COL23A1: variants seen among roughly 807,000 people sequenced by gnomAD.
COL23A1 encodes collagen type XXIII alpha 1 chain, also known as collagen alpha-1(XXIII) chain.
Under a neutral mutation model 99.3 loss-of-function variants are expected in COL23A1, and 97 were observed. That is an observed-to-expected ratio of 0.98 (90% CI 0.83 to 1.16). The LOEUF (loss-of-function observed/expected upper bound fraction) is 1.16, where lower values mean the gene tolerates loss of function less well. COL23A1 is among the 50% of genes most tolerant of loss of function. The pLI, the probability that COL23A1 is intolerant of heterozygous loss-of-function variation, is 0.00. For synonymous variants in COL23A1, 320 were observed against 308.2 expected, an observed-to-expected ratio of 1.04 and a Z score of -0.40; for missense variants, 762 against 757.4, an observed-to-expected ratio of 1.01 and a Z score of -0.07.
intron 5 of COL23A1, among the ~76,000 whole-genome samples, chr5:178,279,100 G>A (rs1756749942): frequency 6.6e-6 from 1 of 152,236 alleles, no homozygotes; most frequent in African/African-American, 2.4e-5. Context: ...CCTGTGCCCT[G>A]CCTGCTGACT....
chr5:178,249,321 C>T, intron 18 of COL23A1, 115 bp from the exon 19 acceptor site: 3 of 1,006,494 alleles, frequency 3.0e-6, no homozygotes, highest in Non-Finnish European at 4.6e-6. Context: ...TTTGTGGGTC[C>T]CCACCTCCAG....
chr5:178,543,612 T>G (rs1242968156), intron 2 of COL23A1, among the ~76,000 whole-genome samples: 2 of 152,136 alleles, frequency 1.3e-5, no homozygotes, highest in African/African-American at 4.8e-5. Context: ...GGTCTGAGTC[T>G]CCACCTTTGG....
intron 9 of COL23A1, among the ~76,000 whole-genome samples, chr5:178,262,918 G>A (rs1765713226): frequency 6.6e-6 from 1 of 152,122 alleles, no homozygotes; most frequent in South Asian, 2.1e-4. Flanking sequence ...AGAGGTCAAG[G>A]TCTTGATTGG....
chr5:178,330,115 T>C (rs1443869937), intron 2 of COL23A1, among the ~76,000 whole-genome samples: 3 of 152,122 alleles, frequency 2.0e-5, no homozygotes, highest in African/African-American at 7.2e-5. Context: ...GGGGGAGAGA[T>C]GCTCCCTGCA....
intron 2 of COL23A1, among the ~76,000 whole-genome samples, chr5:178,329,717 T>C (rs1759899215): frequency 6.6e-6 from 1 of 151,960 alleles, no homozygotes; most frequent in Non-Finnish European, 1.5e-5. Context: ...GGCAGGCGGA[T>C]CATGAGGTCA....
intron 2 of COL23A1, among the ~76,000 whole-genome samples, chr5:178,484,867 G>C (rs1757532037): frequency 6.7e-6 from 1 of 150,270 alleles, no homozygotes; most frequent in South Asian, 2.1e-4. Flanking sequence ...AGACACAATG[G>C]TTTCTTTCTT....
At chr5:178,489,753 A>T (rs1224574738) in intron 2 of COL23A1, among the ~76,000 whole-genome samples, 1 of 152,204 alleles carries the variant, frequency 6.6e-6, no homozygotes, top group Non-Finnish European at 1.5e-5. Context: ...GGGATGCAGC[A>T]ATTCCGCTCC....
chr5:178,296,894 C>A (rs1007943261), intron 3 of COL23A1, among the ~76,000 whole-genome samples: 1 of 152,230 alleles, frequency 6.6e-6, no homozygotes, highest in African/African-American at 2.4e-5. Context: ...CCAGCACCAG[C>A]GTCACAGCCT....
At chr5:178,249,077 A>G (rs1321112108) in intron 19 of COL23A1, 40 bp downstream of exon 19, 1 of 1,600,818 alleles carries the variant, frequency 6.2e-7, no homozygotes, top group Non-Finnish European at 8.6e-7. Context: ...CAGGGCTTCC[A>G]CACAGGAGGC....
intron 2 of COL23A1, among the ~76,000 whole-genome samples, chr5:178,392,522 G>A (rs1764022959): frequency 6.6e-6 from 1 of 152,168 alleles, no homozygotes; most frequent in Non-Finnish European, 1.5e-5. Flanking sequence ...TGTCAGGACA[G>A]CAGCAATGTT....
chr5:178,541,718 G>A (rs565112090), intron 2 of COL23A1, among the ~76,000 whole-genome samples: 5 of 152,264 alleles, frequency 3.3e-5, no homozygotes, highest in African/African-American at 7.2e-5. Context: ...CTCTCTTCAC[G>A]ACAAAAACTG....
chr5:178,523,300 G>A (rs1201590844), intron 2 of COL23A1, among the ~76,000 whole-genome samples: 19 of 145,882 alleles, frequency 1.3e-4, no homozygotes, highest in African/African-American at 4.7e-4. Flanking sequence ...GGTGGTGCGC[G>A]CCCGTAATCC....
Position 178,415,997 on chromosome 5 carries a change from G to A in COL23A1, c.362-109078C>T, listed in dbSNP as rs1166549799. On this transcript the variant is annotated intron_variant, in intron 2 of 28. Coordinates refer to ENST00000390654, the MANE Select transcript of COL23A1 (RefSeq NM_173465.4). This position sits in a 1 kb window ranked among gnomAD's most constrained non-coding sequence, Gnocchi z 4.6. ...GACCAGGGAGGGCGGACGAAGCTGG[G>A]GCAGAGCCAGAGATCCAGAAACAGT... Among the ~76,000 whole-genome samples the A allele has an allele frequency of 6.6e-6, 1 of 152,142 alleles. No homozygotes were observed. The highest frequency in any genetic ancestry group is 1.5e-5 in the Non-Finnish European group (1 of 68,026).
At position 178,258,262 on chromosome 5, in the gene COL23A1, T is replaced by TAC. The variant is rs1554126956; in HGVS notation, c.730-697_730-696dup. On this transcript the variant is annotated intron_variant, in intron 12 of 28. Transcript: ENST00000390654. ...ATATATATATATATATATATATATA[T>TAC]ACACATGCAAATCAATTCTAGGCAC... 6.8e-3 allele frequency among the ~76,000 whole-genome samples: 704 copies of TAC among 104,118 alleles called. 59 individuals are homozygous for TAC. Among genetic ancestry groups the TAC allele is most frequent in the East Asian group, 0.025 (99 of 4,026 alleles). The allele number at this position is 104,118 out of a possible 152,430, so 68.3% of individuals were successfully genotyped here.
intron 2 of COL23A1, among the ~76,000 whole-genome samples, chr5:178,435,959 C>T (rs990396106): frequency 6.6e-6 from 1 of 152,164 alleles, no homozygotes; most frequent in Admixed American, 6.5e-5. Context: ...AAGAGGGAGG[C>T]AGCCACACAG....
At chr5:178,436,414 G>T (rs1012047099) in intron 2 of COL23A1, among the ~76,000 whole-genome samples, 1 of 152,118 alleles carries the variant, frequency 6.6e-6, no homozygotes, top group African/African-American at 2.4e-5. Flanking sequence ...GGCTGCATTG[G>T]GGGGTGGGGT....
intron 2 of COL23A1, among the ~76,000 whole-genome samples, chr5:178,386,792 G>A (rs1419872479): frequency 2.6e-5 from 4 of 152,190 alleles, no homozygotes; most frequent in Admixed American, 6.5e-5. Flanking sequence ...TTCCTGGGGA[G>A]CAAGAGCCTG....
intron 2 of COL23A1, among the ~76,000 whole-genome samples, chr5:178,548,366 C>T (rs1318951112): frequency 2.6e-5 from 4 of 152,018 alleles, no homozygotes; most frequent in Admixed American, 1.3e-4. Flanking sequence ...AACTCTTAAT[C>T]GTCCCCATCC....
chr5:178,343,698 T>A (rs956561859), intron 2 of COL23A1, among the ~76,000 whole-genome samples: 1 of 151,388 alleles, frequency 6.6e-6, no homozygotes, highest in East Asian at 1.9e-4. Flanking sequence ...GTCTTGCTCT[T>A]GTCGCCCAGG....
Sources: gnomAD v4.1 joint callset for allele counts (sites outside exome capture counted in the v4.1 genomes callset) on GRCh38, gnomAD v4.1.1 for gene constraint, Gnocchi (gnomAD v3.1) non-coding constraint, MANE v1.5 for transcripts, NCBI Gene and HGNC (gene_info 2026-07-23, HGNC 2026-07-21) for gene names.